The following TRABD variants were observed in gnomAD, a reference collection of about 807,000 sequenced individuals.
The protein encoded by TRABD is traB domain-containing protein.
Under a neutral mutation model 39.6 loss-of-function variants are expected in TRABD, and 23 were observed. That is an observed-to-expected ratio of 0.58 (90% confidence interval 0.42 to 0.82). The LOEUF is 0.82. Ranked by LOEUF, TRABD falls within the 40% of genes least tolerant of loss-of-function variation. The pLI is 0.00. For synonymous variants in TRABD, 243 were observed against 232.1 expected (o/e 1.05, Z -0.43); for missense variants, 487 against 544.9 (o/e 0.89, Z 1.06).
At position 50,197,283 on chromosome 22, in the gene TRABD, G is replaced by C. The variant is rs200643415; in HGVS notation, c.463G>C (p.Val155Leu). 6.2e-7 allele frequency: 1 copy of C among 1,613,754 alleles called. No individual in the cohort carries two copies. Among genetic ancestry groups the C allele is most frequent in the East Asian group, 2.2e-5 (1 of 44,884 alleles). ...GCTGATGCAGATGCTGCTGCTGAAG[G>C]TGTCTGCACACATCACCGAGCAGCT... Reference protein sequence around the residue: ...SGLMQMLLLKVSAHITEQLGM... With the variant: ...SGLMQMLLLKLSAHITEQLGM... The change falls in exon 6 of 10, where the codon GTG becomes CTG. Residue 155 changes from valine (V) to leucine (L), a missense_variant. By Grantham distance (32) the Val-to-Leu change is conservative. Transcript: ENST00000380909.
chr22:50,199,269 C>T lies in TRABD; in HGVS notation c.*750C>T. 1.6e-6 allele frequency: 1 copy of T among 613,858 alleles called. No individual in the cohort carries two copies. The highest frequency in any genetic ancestry group is 1.8e-5 in the South Asian group (1 of 54,732). The allele number at this position is 613,858 out of a possible 1,614,324, so 38.0% of individuals were successfully genotyped here. A position where few individuals can be genotyped will look rare whatever the true frequency, so the allele number is the denominator to read the frequency against. On this transcript the variant is annotated 3_prime_UTR_variant, in exon 10 of 10. Transcript: ENST00000380909. ...TCAGCTGGGAGCCTGTGTCCTGAGC[C>T]CCCGGAGCGAAGGGGTGCCTGGGGC...
chr22:50,198,295 G>A lies in TRABD; in HGVS notation c.957-50G>A. The A allele has an allele frequency of 6.6e-7, 1 of 1,514,742 alleles. No homozygotes were observed. Among genetic ancestry groups the A allele is most frequent in the Non-Finnish European group, 8.9e-7 (1 of 1,117,642 alleles). 93.8% of individuals were successfully genotyped at this position (1,514,742 alleles called of 1,614,324 possible). On this transcript the variant is annotated intron_variant, in intron 9 of 9. Transcript: ENST00000380909. The surrounding 1 kb of genome is among the most constrained non-coding windows in gnomAD (Gnocchi z 7.9). ...CAGTGACCCAGGCATGGGGGCTGGG[G>A]TATGGGGAGCCCACCCCCAGCCAGG...
chr22:50,186,464 G>A (rs867823257), intron 1 of TRABD, among the ~76,000 whole-genome samples: 1 of 152,152 alleles, frequency 6.6e-6, no homozygotes, highest in South Asian at 2.1e-4. Flanking sequence ...AGCCCCCCAG[G>A]GCTGGGGCGG....
chr22:50,197,781 C>CCCCAG, intron 7 of TRABD, 42 bp from the exon 8 acceptor site: 1 of 1,497,094 alleles, frequency 6.7e-7, no homozygotes, highest in Non-Finnish European at 9.2e-7. Context: ...CCCCCCAGCC[C>CCCCAG]GTTGCCCATC....
rs200284730 is a variant in TRABD at position 50,198,091 on chromosome 22, C to T, written c.861C>T (p.Cys287=). The change falls in exon 9 of 10, where the codon TGC becomes TGT. Residue 287 remains cysteine (C), a synonymous_variant. Coordinates refer to ENST00000380909, the MANE Select transcript of TRABD (RefSeq NM_001320485.2). The surrounding 1 kb of genome is among the most constrained non-coding windows in gnomAD (Gnocchi z 7.9). ...TCCCCACAGCCGAGCCCAGGAAGTG[C>T]GTCCCCTCCGTGGTCGTGGGCGTCG... The part of the protein sequence containing the change: ...PRASDAEPRK[C]VPSVVVGVVG... 149 of 1,612,530 alleles carry T rather than the reference C, an allele frequency of 9.2e-5. No homozygotes were observed. The Admixed American group carries it at 2.4e-3, about 25-fold the overall frequency.
At chr22:50,186,835 A>G (rs1602415501) in intron 1 of TRABD, among the ~76,000 whole-genome samples, 1 of 152,376 alleles carries the variant, frequency 6.6e-6, no homozygotes, top group East Asian at 1.9e-4. Flanking sequence ...CTGAGCTATC[A>G]TGAAGCTGCC....
intron 1 of TRABD, among the ~76,000 whole-genome samples, chr22:50,191,053 TCAAGGCCCCCGGGGA>T (rs2063891776): frequency 6.6e-6 from 1 of 152,150 alleles, no homozygotes; most frequent in Non-Finnish European, 1.5e-5. Context: ...CTGCAGAGGC[TCAAGGCCCCCGGGGA>T]CATGAGCCTG....
At position 50,199,032 on chromosome 22, in the gene TRABD, C is replaced by T. The variant is rs2064233345; in HGVS notation, c.*513C>T. The T allele has an allele frequency of 2.9e-6, 2 of 696,260 alleles. No individual in the cohort carries two copies. The highest frequency in any genetic ancestry group is 5.4e-6 in the Non-Finnish European group (2 of 372,414). The allele number at this position is 696,260 out of a possible 1,614,324, so 43.1% of individuals were successfully genotyped here. On this transcript the variant is annotated 3_prime_UTR_variant, in exon 10 of 10. Coordinates refer to ENST00000380909, the MANE Select transcript of TRABD (RefSeq NM_001320485.2). ...CATCCTGGCCCTGGCCGCCACCTCCCTGGCACCGTCTGCCTGCAGGGATTC... is the reference window on the plus strand; with the variant it reads ...CATCCTGGCCCTGGCCGCCACCTCCTTGGCACCGTCTGCCTGCAGGGATTC...
chr22:50,198,791 A>AG lies in TRABD; in HGVS notation c.*277dup, dbSNP rs2064223342. Reference sequence around the variant, plus strand: ...CTTCTGGACAAGACACCCAGCTCCGAGGGGGCAGGGGCTTATAGGAGGGGC... The same window carrying AG: ...CTTCTGGACAAGACACCCAGCTCCGAGGGGGGCAGGGGCTTATAGGAGGGGC... On this transcript the variant is annotated 3_prime_UTR_variant, in exon 10 of 10. Coordinates refer to ENST00000380909, the MANE Select transcript of TRABD (RefSeq NM_001320485.2). This position sits in a 1 kb window ranked among gnomAD's most constrained non-coding sequence, Gnocchi z 7.9. The AG allele has an allele frequency of 1.1e-5, 6 of 534,892 alleles. No homozygotes were observed. The highest frequency in any genetic ancestry group is 2.0e-5 in the Non-Finnish European group (6 of 302,976). The allele number at this position is 534,892 out of a possible 1,614,324, so 33.1% of individuals were successfully genotyped here. A position where few individuals can be genotyped will look rare whatever the true frequency, so the allele number is the denominator to read the frequency against.
At chr22:50,195,205 A>C (rs2064057199) in intron 5 of TRABD, among the ~76,000 whole-genome samples, 165 bp downstream of exon 5, 1 of 152,142 alleles carries the variant, frequency 6.6e-6, no homozygotes, top group Non-Finnish European at 1.5e-5. Flanking sequence ...AGGAGAAATG[A>C]AAGAGGCTCC....
chr22:50,190,860 G>T (rs979831876), intron 1 of TRABD, among the ~76,000 whole-genome samples: 1 of 152,236 alleles, frequency 6.6e-6, no homozygotes, highest in East Asian at 1.9e-4. Context: ...GGCGGCCCAA[G>T]GGTCCGGGGC....
At position 50,197,896 on chromosome 22, in the gene TRABD, C is replaced by T. The variant is rs1307083990; in HGVS notation, c.745C>T (p.Pro249Ser). The T allele has an allele frequency of 6.2e-7, 1 of 1,612,928 alleles. No individual in the cohort carries two copies. The highest frequency in any genetic ancestry group is 8.5e-7 in the Non-Finnish European group (1 of 1,179,912). ...QMMAEMIGEF[P>S]DLHRTIVSER... ...GATGGCCGAGATGATTGGCGAGTTC[C>T]CAGACCTGCACCGCACCATCGTCTC... Residue 249 changes from proline (P) to serine (S), a missense_variant, in exon 8 of 10, where the codon CCA (proline) becomes TCA (serine). Pro to Ser is a moderately conservative substitution (Grantham distance 74). Coordinates refer to ENST00000380909, the MANE Select transcript of TRABD (RefSeq NM_001320485.2).
rs735119 is a variant in TRABD at position 50,190,317 on chromosome 22, T to A, written c.-34-2710T>A. Among the ~76,000 whole-genome samples, 260 of 152,196 alleles carry A rather than the reference T, an allele frequency of 1.7e-3. 4 individuals carry two copies. The East Asian group carries it at 0.047, about 28-fold the overall frequency. On this transcript the variant is annotated intron_variant, in intron 1 of 9. Coordinates refer to ENST00000380909, the MANE Select transcript of TRABD (RefSeq NM_001320485.2). ...CCGGCCCAGGAAAGCTTCTCTGCCC[T>A]CCCTGACAGGAGACCTGTGCACGCC...
chr22:50,198,197 G>A lies in TRABD; in HGVS notation c.956+11G>A, dbSNP rs1225812326. 18 of 1,587,224 alleles carry A rather than the reference G, an allele frequency of 1.1e-5. No homozygotes were observed. Among genetic ancestry groups the A allele is most frequent in the Admixed American group, 1.7e-5 (1 of 57,786 alleles). On this transcript the variant is annotated intron_variant, in intron 9 of 9. Coordinates refer to ENST00000380909, the MANE Select transcript of TRABD (RefSeq NM_001320485.2). This position sits in a 1 kb window ranked among gnomAD's most constrained non-coding sequence, Gnocchi z 7.9. The stretch of plus-strand genomic sequence containing the variant: ...CCAGGAGATCATGACGTGAGTGCCC[G>A]CCCCTCCCTGCAAGCCCCACCCCAC...
chr22:50,189,470 G>A (rs553908687), intron 1 of TRABD, among the ~76,000 whole-genome samples: 41 of 152,362 alleles, frequency 2.7e-4, no homozygotes, highest in African/African-American at 9.4e-4. Context: ...TGATACAAGC[G>A]TCTGGCTTCC....
chr22:50,188,553 G>A (rs562328967), intron 1 of TRABD, among the ~76,000 whole-genome samples: 10 of 152,170 alleles, frequency 6.6e-5, no homozygotes, highest in African/African-American at 2.2e-4. Context: ...GTCCTTACCC[G>A]GGGGAGCAAG....
intron 3 of TRABD, 61 bp downstream of exon 3, chr22:50,193,715 G>A: frequency 6.5e-7 from 1 of 1,538,254 alleles, no homozygotes; most frequent in African/African-American, 1.4e-5. Context: ...TCAGGGAGGA[G>A]GGGGAGGCAG....
intron 5 of TRABD, among the ~76,000 whole-genome samples, chr22:50,195,257 T>C (rs6537639): frequency 0.18 from 26,993 of 152,026 alleles, 2,600 homozygotes; most frequent in South Asian, 0.28. Context: ...TGGGTGGCTC[T>C]CCAAGCTGAG....
chr22:50,193,657 A>G lies in TRABD; in HGVS notation c.112+3A>G, dbSNP rs1344480182. 2 of 1,613,434 alleles carry G rather than the reference A, an allele frequency of 1.2e-6. No homozygotes were observed. The highest frequency in any genetic ancestry group is 1.7e-6 in the Non-Finnish European group (2 of 1,179,686). On this transcript the variant is annotated splice_donor_region_variant and intron_variant, in intron 3 of 9. Coordinates refer to ENST00000380909, the MANE Select transcript of TRABD (RefSeq NM_001320485.2). ...TTCTGGAGACCCCCAGAACCTGTGTACGTGTCCCTCAGGGTCCTGGCACGT... is the reference window on the plus strand; with the variant it reads ...TTCTGGAGACCCCCAGAACCTGTGTGCGTGTCCCTCAGGGTCCTGGCACGT...
Sources: allele counts gnomAD v4.1 joint callset (sites outside exome capture counted in the v4.1 genomes callset), GRCh38; gene constraint gnomAD v4.1.1; non-coding constraint Gnocchi (gnomAD v3.1); transcripts MANE v1.5; gene names NCBI Gene and HGNC (gene_info 2026-07-23, HGNC 2026-07-21).